Variants in EIF2D observed in about 807,000 individuals in gnomAD.
EIF2D encodes the protein eukaryotic translation initiation factor 2D, also known as hepatocellular carcinoma-associated antigen 56.
Under a neutral mutation model 77.4 loss-of-function variants are expected in EIF2D, and 56 were observed. That is an observed-to-expected ratio of 0.72 (90% CI 0.58 to 0.90). The LOEUF is 0.90. EIF2D is among the 40% of genes least tolerant of loss of function. The pLI is 0.00. For synonymous variants in EIF2D, 230 were observed against 271.0 expected (o/e 0.85, Z 1.49); for missense variants, 574 against 706.5 (o/e 0.81, Z 2.13).
chr1:206,610,787 C>T (rs1027620939), intron 2 of EIF2D, among the ~76,000 whole-genome samples: 19 of 152,270 alleles, frequency 1.2e-4, no homozygotes, highest in Non-Finnish European at 2.4e-4. Context: ...CGCCACTGCA[C>T]TCCAGCCTGG....
chr1:206,591,811 A>ATGTGTTTT lies in EIF2D; in HGVS notation c.1718_1719insAAAACACA (p.Leu574LysfsTer4). 1 of 1,614,142 alleles carries ATGTGTTTT rather than the reference A, an allele frequency of 6.2e-7. No homozygotes were observed. The highest frequency in any genetic ancestry group is 8.5e-7 in the Non-Finnish European group (1 of 1,180,010). On this transcript the variant is annotated frameshift_variant, in exon 15 of 15. Transcript: ENST00000271764. LOFTEE classifies it high-confidence loss of function. ...TGCCAGGTTTGAGGGCCTTTTCTAG[A>ATGTGTTTT]CCTTGGATGTGTTTTCGAGGGAGCT...
chr1:206,574,920 C>T (rs902475696), intron 4 of EIF2D, among the ~76,000 whole-genome samples: 2 of 138,134 alleles, frequency 1.4e-5, no homozygotes, highest in Non-Finnish European at 1.5e-5. Context: ...AGTGCAGTGG[C>T]GCAATCTTGG....
downstream of EIF2D, among the ~76,000 whole-genome samples, chr1:206,569,785 G>A (rs376838448): frequency 8.5e-5 from 13 of 152,276 alleles, no homozygotes; most frequent in South Asian, 1.7e-3. Context: ...TGCCCGCTAC[G>A]ACTGCAGCAG....
At chr1:206,597,582 T>C (rs1297198173) in intron 11 of EIF2D, among the ~76,000 whole-genome samples, 1 of 151,662 alleles carries the variant, frequency 6.6e-6, no homozygotes, top group Non-Finnish European at 1.5e-5. Flanking sequence ...TTTGGGAGGC[T>C]GAGGCGGGAG....
chr1:206,591,499 T>C (rs1003811215), downstream of EIF2D: 10 of 480,516 alleles, frequency 2.1e-5, no homozygotes, highest in South Asian at 2.4e-4. Context: ...CTGGCCTGCC[T>C]GGAAAGCAGG....
At chr1:206,591,921 G>A in intron 14 of EIF2D, 76 bp from the exon 15 acceptor site, 1 of 1,407,018 alleles carries the variant, frequency 7.1e-7, no homozygotes, top group South Asian at 1.2e-5. Context: ...AGTCCCCGTT[G>A]CCTCACAATG....
Position 206,599,035 on chromosome 1 carries a change from C to A in EIF2D, c.1260G>T (p.Lys420Asn). The change falls in exon 11 of 15, where the codon AAG becomes AAT. Residue 420 changes from lysine to asparagine, a missense_variant. Lys to Asn is a moderately conservative substitution (Grantham distance 94). Coordinates refer to ENST00000271764, the MANE Select transcript of EIF2D (RefSeq NM_006893.3). This position sits in a 1 kb window ranked among gnomAD's most constrained non-coding sequence, Gnocchi z 4.1. ...TGTCTGCATCAACCAGGTCATTTTT[C>A]TTGGCGTAGTTAATGACGATCGTTC... ...EVRTIVINYAKKNDLVDADNK... is the reference protein window; with the variant it reads ...EVRTIVINYANKNDLVDADNK... The A allele has an allele frequency of 6.2e-7, 1 of 1,614,170 alleles. No homozygotes were observed. Among genetic ancestry groups the A allele is most frequent in the Non-Finnish European group, 8.5e-7 (1 of 1,180,040 alleles).
chr1:206,611,085 C>T, intron 2 of EIF2D, 99 bp downstream of exon 2: 1 of 1,188,014 alleles, frequency 8.4e-7, no homozygotes, highest in Non-Finnish European at 1.2e-6. Context: ...AGATTTCGTG[C>T]TTGCTTATTT....
intron 6 of EIF2D, 96 bp from the exon 7 acceptor site, chr1:206,602,549 T>G: frequency 8.9e-7 from 1 of 1,121,556 alleles, no homozygotes; most frequent in South Asian, 1.3e-5. Flanking sequence ...CTCACCCACT[T>G]GGCTCTGAAA....
In EIF2D at chr1:206,593,610, G is replaced by A. The variant is rs2102275525; in HGVS notation, c.1684+9C>T. The A allele has an allele frequency of 6.3e-7, 1 of 1,599,016 alleles. No individual in the cohort carries two copies. Among genetic ancestry groups the A allele is most frequent in the East Asian group, 2.2e-5 (1 of 44,516 alleles). ...ACCAATGCCTCCACTCTTCAGAGGGGATGCTCACCAAGCAATAGCCAGCCG... is the reference window on the plus strand; with the variant it reads ...ACCAATGCCTCCACTCTTCAGAGGGAATGCTCACCAAGCAATAGCCAGCCG... On this transcript the variant is annotated intron_variant, in intron 14 of 14. Coordinates refer to ENST00000271764, the MANE Select transcript of EIF2D (RefSeq NM_006893.3).
In EIF2D at chr1:206,598,537, TAC is replaced by T. The variant is rs138982102; in HGVS notation, c.1292+464_1292+465del. On this transcript the variant is annotated intron_variant, in intron 11 of 14. Transcript: ENST00000271764. ...GTCAAAATAGCTAGAAAAGAGGACT[TAC>T]AGTGTTCCCGACACATAGAAATGGT... 6.9e-3 allele frequency among the ~76,000 whole-genome samples: 1,050 copies of T among 152,266 alleles called. 10 individuals carry two copies. Among genetic ancestry groups the T allele is most frequent in the African/African-American group, 0.024 (1,002 of 41,540 alleles).
chr1:206,578,872 G>C (rs1170768790), intron 4 of EIF2D, among the ~76,000 whole-genome samples: 2 of 152,182 alleles, frequency 1.3e-5, no homozygotes, highest in Admixed American at 6.5e-5. Context: ...TCATTGATTA[G>C]AGTGCAGAAG....
intron 1 of EIF2D, among the ~76,000 whole-genome samples, chr1:206,611,944 T>G (rs1337577186): frequency 5.9e-5 from 9 of 152,328 alleles, no homozygotes; most frequent in African/African-American, 1.9e-4. Context: ...TGGTATCCCA[T>G]CCGATCTCTC....
downstream of EIF2D, chr1:206,586,972 T>C: frequency 6.2e-7 from 1 of 1,614,146 alleles, no homozygotes; most frequent in East Asian, 2.2e-5. Context: ...AGGGCAAACC[T>C]GGGTAACCGG....
rs1035314630 is a variant in EIF2D at position 206,611,557 on chromosome 1, T to C, written c.57-183A>G. Among the ~76,000 whole-genome samples, 7 of 152,330 alleles carry C rather than the reference T, an allele frequency of 4.6e-5. No homozygotes were observed. The East Asian group carries it at 1.4e-3, about 29-fold the overall frequency. ...CTAAACTCTTTTTCATCCATTGTCATCTATTTTCACTCATTCCTGGGGTAT... is the reference window on the plus strand; with the variant it reads ...CTAAACTCTTTTTCATCCATTGTCACCTATTTTCACTCATTCCTGGGGTAT... On this transcript the variant is annotated intron_variant, in intron 1 of 14. Coordinates refer to ENST00000271764, the MANE Select transcript of EIF2D (RefSeq NM_006893.3).
intron 6 of EIF2D, chr1:206,602,727 A>T: frequency 1.4e-6 from 1 of 699,298 alleles, no homozygotes; most frequent in South Asian, 2.0e-5. Flanking sequence ...AGCTGAAGAC[A>T]GGCAAATGCC....
At chr1:206,611,607 A>G (rs1479608920) in intron 1 of EIF2D, among the ~76,000 whole-genome samples, 1 of 152,224 alleles carries the variant, frequency 6.6e-6, no homozygotes, top group Non-Finnish European at 1.5e-5. Context: ...TGGGTGGGAA[A>G]ACAGGCCCAG....
At chr1:206,575,362 G>A (rs1306643109) in intron 4 of EIF2D, among the ~76,000 whole-genome samples, 2 of 152,202 alleles carry the variant, frequency 1.3e-5, no homozygotes, top group Middle Eastern at 3.2e-3. Context: ...AGCTGAGAAA[G>A]AGGAAATGTG....
intron 2 of EIF2D, among the ~76,000 whole-genome samples, chr1:206,581,636 GGA>G (rs1241313149): frequency 4.0e-5 from 6 of 150,610 alleles, no homozygotes; most frequent in Non-Finnish European, 7.4e-5. Flanking sequence ...GAGAGAGGGG[GGA>G]GAGAGAGAGA....
Sources: allele counts gnomAD v4.1 joint callset (sites outside exome capture counted in the v4.1 genomes callset), GRCh38; gene constraint gnomAD v4.1.1; non-coding constraint Gnocchi (gnomAD v3.1); transcripts MANE v1.5; gene names NCBI Gene and HGNC (gene_info 2026-07-23, HGNC 2026-07-21).